The following ELP4 variants were observed in gnomAD, a reference collection of about 807,000 sequenced individuals.
ELP4 encodes the protein elongator acetyltransferase complex subunit 4, also known as elongator complex protein 4.
In ELP4, 51 loss-of-function variants were observed where a neutral mutation model predicts 48.9. The ratio of observed to expected loss-of-function variants is 1.04; its 90% CI spans 0.83 to 1.32. The LOEUF is 1.32. Ranked by LOEUF, ELP4 falls within the 40% of genes most tolerant of loss-of-function variation. ELP4 has a pLI of 0.00. For synonymous variants in ELP4, 210 were observed against 189.2 expected, an observed-to-expected ratio of 1.11 and a Z score of -0.90; for missense variants, 519 against 514.6, an observed-to-expected ratio of 1.01 and a Z score of -0.08.
intron 9 of ELP4, among the ~76,000 whole-genome samples, chr11:31,746,202 C>A (rs1280842145): frequency 1.3e-5 from 2 of 152,320 alleles, no homozygotes; most frequent in East Asian, 3.9e-4. Flanking sequence ...CATCTCACAC[C>A]AGTTAGAATG....
At chr11:31,557,082 A>G (rs1280925304) in intron 3 of ELP4, among the ~76,000 whole-genome samples, 2 of 151,906 alleles carry the variant, frequency 1.3e-5, no homozygotes, top group Non-Finnish European at 3.0e-5. Flanking sequence ...AAACCATATC[A>G]TATTTTATGA....
At chr11:31,597,952 C>CTTTTTTTTTT (rs58093641) in intron 4 of ELP4, among the ~76,000 whole-genome samples, 27 of 96,300 alleles carry the variant, frequency 2.8e-4, no homozygotes, top group Non-Finnish European at 4.1e-4. Flanking sequence ...AGCCTTTTCT[C>CTTTTTTTTTT]TTTTTTTTTT....
chr11:31,675,619 G>A (rs1324489787), intron 9 of ELP4, among the ~76,000 whole-genome samples: 7 of 152,064 alleles, frequency 4.6e-5, no homozygotes, highest in Non-Finnish European at 7.4e-5. Context: ...GATCATGTAG[G>A]CACTGTGGGA....
At chr11:31,686,141 A>G (rs1205693729) in intron 9 of ELP4, among the ~76,000 whole-genome samples, 1 of 151,988 alleles carries the variant, frequency 6.6e-6, no homozygotes. Flanking sequence ...TGAAAAATAT[A>G]TACATTTTAT....
chr11:31,639,608 T>A (rs539280321), intron 7 of ELP4, among the ~76,000 whole-genome samples: 1 of 151,978 alleles, frequency 6.6e-6, no homozygotes, highest in African/African-American at 2.4e-5. Flanking sequence ...AAATTATCTA[T>A]AAAGTTCTGT....
chr11:31,745,031 C>T lies in ELP4; in HGVS notation c.1144-38362C>T, dbSNP rs535999796. Among the ~76,000 whole-genome samples, 3 of 152,314 alleles carry T rather than the reference C, an allele frequency of 2.0e-5. No homozygotes were observed. The South Asian group carries it at 6.2e-4, about 32-fold the overall frequency. Reference sequence around the variant, plus strand: ...AAAATCTCCTCAAGCTGATAAGCAACTTCAGCAAAGTCTCAGGATACAAAA... The same window carrying T: ...AAAATCTCCTCAAGCTGATAAGCAATTTCAGCAAAGTCTCAGGATACAAAA... On this transcript the variant is annotated intron_variant, in intron 9 of 9. Coordinates refer to ENST00000640961, the MANE Select transcript of ELP4 (RefSeq NM_019040.5).
chr11:31,722,953 C>T (rs1947000117), intron 9 of ELP4, among the ~76,000 whole-genome samples: 1 of 152,192 alleles, frequency 6.6e-6, no homozygotes, highest in African/African-American at 2.4e-5. Flanking sequence ...AGGCATCACC[C>T]TCCCACAGGC....
At chr11:31,733,301 C>A (rs1454942805) in intron 9 of ELP4, among the ~76,000 whole-genome samples, 1 of 151,638 alleles carries the variant, frequency 6.6e-6, no homozygotes, top group Non-Finnish European at 1.5e-5. Flanking sequence ...CATGGTGAAA[C>A]CCCATCTCTA....
At chr11:31,671,107 AT>A (rs1384771344) in intron 9 of ELP4, among the ~76,000 whole-genome samples, 1 of 152,194 alleles carries the variant, frequency 6.6e-6, no homozygotes, top group Non-Finnish European at 1.5e-5. Context: ...ATAATTAAAG[AT>A]TTCCGATAGA....
intron 9 of ELP4, among the ~76,000 whole-genome samples, chr11:31,692,732 T>C (rs1235059504): frequency 6.6e-6 from 1 of 152,134 alleles, no homozygotes; most frequent in Admixed American, 6.6e-5. Context: ...TTGCCTCTGA[T>C]TGGAGCAACA....
intron 4 of ELP4, among the ~76,000 whole-genome samples, chr11:31,601,464 AATTTTATTTTTACATTTTAATGAATT>A (rs1957781117): frequency 6.6e-6 from 1 of 152,078 alleles, no homozygotes; most frequent in Non-Finnish European, 1.5e-5. Context: ...AAAAGCTTCC[AATTTTATTTTTACATTTTAATGAATT>A]ATTTGTGTTC....
At chr11:31,747,401 A>G (rs771851836) in intron 9 of ELP4, among the ~76,000 whole-genome samples, 1 of 152,156 alleles carries the variant, frequency 6.6e-6, no homozygotes, top group South Asian at 2.1e-4. Context: ...CTATAGAACC[A>G]TAAAGTGTGG....
intron 9 of ELP4, among the ~76,000 whole-genome samples, chr11:31,755,697 T>C (rs896998258): frequency 7.4e-6 from 1 of 135,812 alleles, no homozygotes; most frequent in East Asian, 2.1e-4. Context: ...TGTGGAGATA[T>C]AGCAACTGAA....
intron 4 of ELP4, among the ~76,000 whole-genome samples, chr11:31,596,012 A>G (rs1171675646): frequency 1.3e-5 from 2 of 152,150 alleles, no homozygotes; most frequent in Non-Finnish European, 2.9e-5. Context: ...TCACCAATGC[A>G]TCCTTCTCCA....
chr11:31,689,539 C>T (rs914555768), intron 9 of ELP4: 3 of 151,726 alleles, frequency 2.0e-5, no homozygotes, highest in African/African-American at 7.3e-5. Context: ...CAATTGCTGT[C>T]TGGGTTGATG....
intron 9 of ELP4, among the ~76,000 whole-genome samples, chr11:31,691,609 T>G (rs576104163): frequency 6.6e-6 from 1 of 152,228 alleles, no homozygotes; most frequent in Admixed American, 6.5e-5. Context: ...CATGGTAAAT[T>G]TAGAATTGCC....
At chr11:31,615,490 T>G (rs1038929207) in intron 5 of ELP4, among the ~76,000 whole-genome samples, 3 of 152,040 alleles carry the variant, frequency 2.0e-5, no homozygotes. Context: ...ATTTTGAAAT[T>G]TATTATAAGA....
intron 1 of ELP4, among the ~76,000 whole-genome samples, chr11:31,518,100 CT>C (rs1381469786): frequency 6.7e-6 from 1 of 149,470 alleles, no homozygotes. Context: ...TTCTTTAATT[CT>C]TTTTTTTCTT....
At chr11:31,588,552 T>C (rs1957515095) in intron 3 of ELP4, among the ~76,000 whole-genome samples, 1 of 152,272 alleles carries the variant, frequency 6.6e-6, no homozygotes, top group African/African-American at 2.4e-5. Flanking sequence ...CTAATTCTTC[T>C]TTGTACTTCT....
Sources: allele counts gnomAD v4.1 joint callset (sites outside exome capture counted in the v4.1 genomes callset), GRCh38; gene constraint gnomAD v4.1.1; transcripts MANE v1.5; gene names NCBI Gene and HGNC (gene_info 2026-07-23, HGNC 2026-07-21).